Variants in SMOC2 observed in about 807,000 individuals in gnomAD.
SMOC2 encodes the protein SPARC related modular calcium binding 2, also known as SPARC-related modular calcium-binding protein 2.
SMOC2 carries 39 observed loss-of-function variants against 61.4 expected under a neutral mutation model. The observed-to-expected ratio is 0.64, with a 90% CI of 0.49 to 0.83. SMOC2 has a LOEUF of 0.83. Among genes scored for constraint, SMOC2 ranks in the 40% least tolerant of loss-of-function variants. SMOC2 has a pLI of 0.00. For synonymous variants in SMOC2, 247 were observed against 239.9 expected, an observed-to-expected ratio of 1.03 and a Z score of -0.27; for missense variants, 556 against 592.9, an observed-to-expected ratio of 0.94 and a Z score of 0.65.
intron 2 of SMOC2, among the ~76,000 whole-genome samples, chr6:168,520,503 A>G (rs1783304029): frequency 6.6e-6 from 1 of 152,224 alleles, no homozygotes; most frequent in African/African-American, 2.4e-5. Flanking sequence ...GCTGAGCCTG[A>G]ACTTGAAGAG....
chr6:168,603,967 T>C (rs9295073), intron 8 of SMOC2, among the ~76,000 whole-genome samples: 40,224 of 152,148 alleles, frequency 0.26, 5,475 homozygotes, highest in South Asian at 0.29. Flanking sequence ...GATGAGAAAC[T>C]GATGAATGAA....
chr6:168,459,536 G>C (rs1225525619), intron 1 of SMOC2, among the ~76,000 whole-genome samples: 1 of 148,388 alleles, frequency 6.7e-6, no homozygotes, highest in Non-Finnish European at 1.5e-5. Flanking sequence ...TGTAGCTAGA[G>C]CCCCAGGGTG....
chr6:168,588,063 C>G (rs192741977), intron 7 of SMOC2, among the ~76,000 whole-genome samples: 91 of 151,752 alleles, frequency 6.0e-4, no homozygotes, highest in African/African-American at 2.1e-3. Flanking sequence ...TAAACGGTGT[C>G]CTTTTGTTTC....
At chr6:168,643,315 G>T (rs1190761437) in intron 9 of SMOC2, among the ~76,000 whole-genome samples, 1 of 152,106 alleles carries the variant, frequency 6.6e-6, no homozygotes, top group African/African-American at 2.4e-5. Context: ...TTCAGATAAG[G>T]TCCACACTTG....
chr6:168,453,644 CTCTT>C lies in SMOC2; in HGVS notation c.84+12194_84+12197del, dbSNP rs1177550980. Among the ~76,000 whole-genome samples, 1 of 151,764 alleles carries C rather than the reference CTCTT, an allele frequency of 6.6e-6. No homozygotes were observed. The highest frequency in any genetic ancestry group is 2.4e-5 in the African/African-American group (1 of 41,338). On this transcript the variant is annotated intron_variant, in intron 1 of 12. Transcript: ENST00000356284. The surrounding 1 kb of genome is among the most constrained non-coding windows in gnomAD (Gnocchi z 4.4). ...TCTCTGTCTCTTTGTCTCTCTCTGT[CTCTT>C]TCTCTCTGTCTCTTCCTGTCTCTTT...
At chr6:168,660,068 G>T (rs978144081) in intron 11 of SMOC2, among the ~76,000 whole-genome samples, 8 of 38,408 alleles carry the variant, frequency 2.1e-4, no homozygotes, top group Admixed American at 6.2e-4. Flanking sequence ...AATAGGAAAG[G>T]CTGCTCCTCA....
At chr6:168,541,472 G>T (rs1224758544) in intron 4 of SMOC2, among the ~76,000 whole-genome samples, 1 of 152,196 alleles carries the variant, frequency 6.6e-6, no homozygotes, top group Non-Finnish European at 1.5e-5. Flanking sequence ...CCAGAAAAAT[G>T]CAATGACAGC....
intron 4 of SMOC2, among the ~76,000 whole-genome samples, chr6:168,529,301 T>C (rs1445409010): frequency 6.6e-6 from 1 of 152,178 alleles, no homozygotes; most frequent in African/African-American, 2.4e-5. Flanking sequence ...CTGGTGTTTA[T>C]TGGGCAGCCC....
chr6:168,512,219 G>A (rs1783025632), intron 2 of SMOC2, among the ~76,000 whole-genome samples: 1 of 152,116 alleles, frequency 6.6e-6, no homozygotes, highest in Non-Finnish European at 1.5e-5. Context: ...GCACTCTCCT[G>A]TGGGAAATGG....
rs1783952251 is a variant in SMOC2, at chr6:168,544,729, T to C, written c.511+1057T>C. Among the ~76,000 whole-genome samples, 2 of 152,134 alleles carry C rather than the reference T, an allele frequency of 1.3e-5. No homozygotes were observed. Among genetic ancestry groups the C allele is most frequent in the Non-Finnish European group, 2.9e-5 (2 of 68,020 alleles). ...TCGGAGTTTTATTCAACCAATCCCT[T>C]CTGCATGTGTGGAAACTGTGGTGGG... On this transcript the variant is annotated intron_variant, in intron 5 of 12. Transcript: ENST00000356284. This position sits in a 1 kb window ranked among gnomAD's most constrained non-coding sequence, Gnocchi z 4.1.
At chr6:168,503,902 T>A (rs1782798652) in intron 1 of SMOC2, among the ~76,000 whole-genome samples, 1 of 152,134 alleles carries the variant, frequency 6.6e-6, no homozygotes, top group African/African-American at 2.4e-5. Flanking sequence ...ATCTGTGTCA[T>A]GTTGAGGACA....
chr6:168,466,367 T>A (rs569294661), intron 1 of SMOC2, among the ~76,000 whole-genome samples: 1 of 152,274 alleles, frequency 6.6e-6, no homozygotes, highest in Admixed American at 6.5e-5. Flanking sequence ...GAGCTGGAAC[T>A]GGGGTGCTCT....
At position 168,532,936 on chromosome 6, in the gene SMOC2, T is replaced by C. The variant is rs541884252; in HGVS notation, c.463+5209T>C. 1.3e-3 allele frequency among the ~76,000 whole-genome samples: 191 copies of C among 152,338 alleles called. 1 individual carries two copies. Among genetic ancestry groups the C allele is most frequent in the African/African-American group, 4.5e-3 (188 of 41,574 alleles). On this transcript the variant is annotated intron_variant, in intron 4 of 12. Transcript: ENST00000356284. ...TGTGTCTGGCGTAGAAGGAGTCCTT[T>C]CCCATTGCATGGGGAAGAAGACATC...
chr6:168,495,378 C>T (rs1038070827), intron 1 of SMOC2, among the ~76,000 whole-genome samples: 7 of 152,186 alleles, frequency 4.6e-5, no homozygotes, highest in South Asian at 4.1e-4. Context: ...TGACCTTGTC[C>T]GCGGCTCCCG....
At chr6:168,652,372 C>G (rs766980959) in intron 10 of SMOC2, among the ~76,000 whole-genome samples, 35 of 152,190 alleles carry the variant, frequency 2.3e-4, no homozygotes, top group Non-Finnish European at 8.8e-5. Flanking sequence ...AGGGCCATCC[C>G]ATGCGCACAC....
intron 1 of SMOC2, among the ~76,000 whole-genome samples, chr6:168,477,483 T>C (rs1034115903): frequency 2.6e-5 from 4 of 152,256 alleles, no homozygotes; most frequent in Middle Eastern, 3.2e-3. Flanking sequence ...TTGGTATTTT[T>C]TATAACCTCT....
At chr6:168,588,403 C>T (rs975037662) in intron 7 of SMOC2, among the ~76,000 whole-genome samples, 16 of 152,230 alleles carry the variant, frequency 1.1e-4, no homozygotes, top group African/African-American at 3.4e-4. Context: ...AGACTACAGG[C>T]GTGAGCCACT....
At chr6:168,663,851 A>G (rs1485002661) in intron 11 of SMOC2, among the ~76,000 whole-genome samples, 1 of 152,216 alleles carries the variant, frequency 6.6e-6, no homozygotes, top group East Asian at 1.9e-4. Flanking sequence ...ACGATAATAT[A>G]TAAGAAGCTT....
chr6:168,655,567 C>T, intron 11 of SMOC2: 1 of 376,834 alleles, frequency 2.7e-6, no homozygotes, highest in Non-Finnish European at 5.4e-6. Flanking sequence ...GATCCTACTG[C>T]ATGTGTGTAC....
Sources: gnomAD v4.1 joint callset for allele counts (sites outside exome capture counted in the v4.1 genomes callset) on GRCh38, gnomAD v4.1.1 for gene constraint, Gnocchi (gnomAD v3.1) non-coding constraint, MANE v1.5 for transcripts, NCBI Gene and HGNC (gene_info 2026-07-23, HGNC 2026-07-21) for gene names.